The following CHAF1B variants were observed in gnomAD, a reference collection of about 807,000 sequenced individuals.
CHAF1B encodes CAF-1 subunit B.
CHAF1B carries 10 observed loss-of-function variants against 60.7 expected under a neutral mutation model. The ratio of observed to expected loss-of-function variants is 0.16; its 90% CI spans 0.10 to 0.28. The LOEUF is 0.28. Among genes scored for constraint, CHAF1B ranks in the 10% least tolerant of loss-of-function variants. The pLI, the probability that CHAF1B is intolerant of heterozygous loss-of-function variation, is 1.00. For synonymous variants in CHAF1B, 261 were observed against 266.1 expected (o/e 0.98, Z 0.19); for missense variants, 558 against 708.4 (o/e 0.79, Z 2.41).
In CHAF1B at chr21:36,386,120, CT is replaced by C; in HGVS notation, c.-15del. 6.2e-7 allele frequency: 1 copy of C among 1,613,538 alleles called. No homozygotes were observed. On this transcript the variant is annotated 5_prime_UTR_variant, in exon 2 of 14. Coordinates refer to ENST00000314103, the MANE Select transcript of CHAF1B (RefSeq NM_005441.3). ...ACGGTGCCCGAGAAACGTTTTTCCCCTTCGAGACTCAGGAGGATGAAAGTCA... is the reference window on the plus strand; with the variant it reads ...ACGGTGCCCGAGAAACGTTTTTCCCCTCGAGACTCAGGAGGATGAAAGTCA...
Position 36,412,911 on chromosome 21 carries a change from T to C in CHAF1B, c.1089T>C (p.Ile363=). Residue 363 remains isoleucine (I), a synonymous_variant, in exon 12 of 14, where the codon ATT becomes ATC. Coordinates refer to ENST00000314103, the MANE Select transcript of CHAF1B (RefSeq NM_005441.3). ...SWSSDGAFLA[I]SSTDGYCSFV... is the part of the protein sequence containing the mutation. The stretch of plus-strand genomic sequence containing the variant: ...CCAGCGATGGTGCCTTCCTGGCCAT[T>C]TCTTCCACGGACGGTTACTGCTCAT... 1 of 1,614,084 alleles carries C rather than the reference T, an allele frequency of 6.2e-7. No homozygotes were observed. The highest frequency in any genetic ancestry group is 8.5e-7 in the Non-Finnish European group (1 of 1,179,970).
intron 6 of CHAF1B, among the ~76,000 whole-genome samples, chr21:36,399,097 C>A (rs941108162): frequency 1.3e-4 from 20 of 151,048 alleles, no homozygotes; most frequent in African/African-American, 3.9e-4. Context: ...AGTGCAGTGC[C>A]ACAATCTCAG....
chr21:36,389,800 T>TGCGC (rs1555911823), intron 3 of CHAF1B, among the ~76,000 whole-genome samples: 2,750 of 124,642 alleles, frequency 0.022, 107 homozygotes, highest in South Asian at 0.11. Flanking sequence ...TGTGTGTGTG[T>TGCGC]GCGCGCGCAC....
intron 4 of CHAF1B, among the ~76,000 whole-genome samples, chr21:36,394,234 G>A (rs1415183368): frequency 2.6e-5 from 4 of 151,982 alleles, no homozygotes; most frequent in African/African-American, 7.2e-5. Flanking sequence ...GCACCACCAC[G>A]CCTGGCTAAT....
intron 3 of CHAF1B, 37 bp downstream of exon 3, chr21:36,387,767 C>G (rs367566058): frequency 1.2e-6 from 2 of 1,608,928 alleles, no homozygotes; most frequent in African/African-American, 1.3e-5. Flanking sequence ...CTTCGGGAAC[C>G]AGATAGATAC....
chr21:36,390,072 G>A (rs994499188), intron 3 of CHAF1B, among the ~76,000 whole-genome samples: 18 of 151,978 alleles, frequency 1.2e-4, no homozygotes, highest in Non-Finnish European at 2.2e-4. Flanking sequence ...GGTGGCTCAC[G>A]CCTGTAATCC....
rs547843174 is a variant in CHAF1B, at chr21:36,395,249, C to T, written c.481+599C>T. ...ATCATTAACAGAGACGGGGTTTCAC[C>T]GTTGGCCAGTCTGGTCTCTATCTCT... On this transcript the variant is annotated intron_variant, in intron 5 of 13. Coordinates refer to ENST00000314103, the MANE Select transcript of CHAF1B (RefSeq NM_005441.3). Among the ~76,000 whole-genome samples the T allele has an allele frequency of 1.7e-4, 25 of 147,670 alleles. 1 individual carries two copies. The South Asian group carries it at 3.0e-3, about 18-fold the overall frequency.
intron 5 of CHAF1B, among the ~76,000 whole-genome samples, chr21:36,396,003 G>GT (rs112517403): frequency 0.13 from 19,763 of 146,978 alleles, 1,487 homozygotes; most frequent in African/African-American, 0.2. Flanking sequence ...GTTTTGTGTG[G>GT]TTTTTTTTTT....
intron 8 of CHAF1B, among the ~76,000 whole-genome samples, chr21:36,405,540 C>T (rs771761779): frequency 6.6e-6 from 1 of 152,068 alleles, no homozygotes; most frequent in Non-Finnish European, 1.5e-5. Flanking sequence ...GGGAATCCTC[C>T]CACCTCAGCC....
In CHAF1B at chr21:36,418,425, C is replaced by G. The variant is rs532672843; in HGVS notation, c.*2059C>G. Reference sequence around the variant, plus strand: ...TGCCATCAGCTCTTCTGAAAAGAGACAGCTTTCAGTGTCATGTGGCTGGCG... The same window carrying G: ...TGCCATCAGCTCTTCTGAAAAGAGAGAGCTTTCAGTGTCATGTGGCTGGCG... On this transcript the variant is annotated 3_prime_UTR_variant, in exon 14 of 14. Transcript: ENST00000314103. 6.6e-6 allele frequency: 1 copy of G among 152,510 alleles called. No homozygotes were observed. The highest frequency in any genetic ancestry group is 1.9e-4 in the East Asian group (1 of 5,188). 9.4% of individuals were successfully genotyped at this position (152,510 alleles called of 1,614,324 possible). A position where few individuals can be genotyped will look rare whatever the true frequency, so the allele number is the denominator to read the frequency against.
intron 12 of CHAF1B, among the ~76,000 whole-genome samples, chr21:36,414,338 C>T (rs534862455): frequency 9.8e-5 from 15 of 152,298 alleles, no homozygotes; most frequent in Admixed American, 3.9e-4. Flanking sequence ...GCCTCTCCTG[C>T]GCCAATAGGT....
At chr21:36,399,295 C>G (rs2086167434) in intron 6 of CHAF1B, among the ~76,000 whole-genome samples, 1 of 152,146 alleles carries the variant, frequency 6.6e-6, no homozygotes, top group Admixed American at 6.6e-5. Context: ...CTCTGCCTCC[C>G]AAAGTGTCGG....
chr21:36,402,876 A>T (rs2086202853), intron 8 of CHAF1B, 25 bp downstream of exon 8: 1 of 1,576,514 alleles, frequency 6.3e-7, no homozygotes, highest in Non-Finnish European at 8.7e-7. Context: ...TTTGGACTTA[A>T]AGGAATGATG....
chr21:36,409,735 T>TA (rs2086262997), intron 10 of CHAF1B, among the ~76,000 whole-genome samples: 1 of 152,094 alleles, frequency 6.6e-6, no homozygotes, highest in African/African-American at 2.4e-5. Context: ...TGGACTCAAG[T>TA]GATCCACCTG....
At chr21:36,389,519 C>T (rs1355759885) in intron 3 of CHAF1B, among the ~76,000 whole-genome samples, 2 of 150,242 alleles carry the variant, frequency 1.3e-5, no homozygotes, top group South Asian at 2.1e-4. Context: ...GGTGGAGAAT[C>T]GCTGTAACCT....
chr21:36,415,257 G>C, intron 12 of CHAF1B, 38 bp from the exon 13 acceptor site: 3 of 1,208,388 alleles, frequency 2.5e-6, no homozygotes, highest in Non-Finnish European at 3.7e-6. Flanking sequence ...TGATACTAAT[G>C]AGCCATCACC....
chr21:36,391,419 G>A (rs1040969992), intron 3 of CHAF1B, 132 bp from the exon 4 acceptor site: 13 of 493,476 alleles, frequency 2.6e-5, no homozygotes, highest in African/African-American at 4.0e-5. Context: ...AGCCAAGATT[G>A]CGCCACTGCA....
Position 36,394,211 on chromosome 21 carries a change from G to A in CHAF1B, c.378-336G>A, listed in dbSNP as rs543208626. Among the ~76,000 whole-genome samples the A allele has an allele frequency of 3.3e-5, 5 of 152,132 alleles. No individual in the cohort carries two copies. The South Asian group carries it at 1.0e-3, about 32-fold the overall frequency. On this transcript the variant is annotated intron_variant, in intron 4 of 13. Transcript: ENST00000314103. Reference sequence around the variant, plus strand: ...CCTCCCTCACCCTCCTGAGTAGCTGGGTCTGCAGGTGTGCACCACCACGCC... The same window carrying A: ...CCTCCCTCACCCTCCTGAGTAGCTGAGTCTGCAGGTGTGCACCACCACGCC...
In CHAF1B at chr21:36,417,761, C is replaced by T. The variant is rs2086330185; in HGVS notation, c.*1395C>T. Reference sequence around the variant, plus strand: ...GGATTACAGGCGTGAGACACCATGCCTGGTCAAATGGTATCTGTTTTGACG... The same window carrying T: ...GGATTACAGGCGTGAGACACCATGCTTGGTCAAATGGTATCTGTTTTGACG... On this transcript the variant is annotated 3_prime_UTR_variant, in exon 14 of 14. Transcript: ENST00000314103. The T allele has an allele frequency of 6.6e-6, 1 of 152,058 alleles. No individual in the cohort carries two copies. The highest frequency in any genetic ancestry group is 6.6e-5 in the Admixed American group (1 of 15,246). The allele number at this position is 152,058 out of a possible 1,614,324, so 9.4% of individuals were successfully genotyped here.
Sources: allele counts gnomAD v4.1 joint callset (sites outside exome capture counted in the v4.1 genomes callset), GRCh38; gene constraint gnomAD v4.1.1; transcripts MANE v1.5; gene names NCBI Gene and HGNC (gene_info 2026-07-23, HGNC 2026-07-21).